RMDN2: variants seen among roughly 807,000 people sequenced by gnomAD.
RMDN2 encodes the protein regulator of microtubule dynamics protein 2.
A neutral mutation model predicts 52.8 loss-of-function variants in RMDN2; 61 were observed. The ratio of observed to expected loss-of-function variants is 1.16; its 90% confidence interval spans 0.94 to 1.43. The LOEUF (loss-of-function observed/expected upper bound fraction) is 1.43. Ranked by LOEUF, RMDN2 falls within the 40% of genes most tolerant of loss-of-function variation. The pLI is 0.00. For missense variants in RMDN2, 592 were observed against 475.3 expected (o/e 1.25, Z -2.28); for synonymous variants, 180 against 153.1 (o/e 1.18, Z -1.30).
At chr2:38,066,785 G>T in intron 10 of RMDN2, 2 of 562,758 alleles carry the variant, frequency 3.6e-6, no homozygotes, top group Non-Finnish European at 3.2e-6. Flanking sequence ...TTTTTCCCAT[G>T]AAAATATTTC....
chr2:38,026,370 C>T (rs1679782270), intron 10 of RMDN2, among the ~76,000 whole-genome samples: 2 of 151,828 alleles, frequency 1.3e-5, no homozygotes, highest in African/African-American at 4.8e-5. Flanking sequence ...TTGCTGTTAC[C>T]CTACAGGTAA....
At chr2:38,003,607 G>GACAGACAA (rs779260707) in intron 8 of RMDN2, among the ~76,000 whole-genome samples, 1 of 152,086 alleles carries the variant, frequency 6.6e-6, no homozygotes, top group Non-Finnish European at 1.5e-5. Context: ...TAGATAGGCA[G>GACAGACAA]ACAGACAGAC....
downstream of RMDN2, among the ~76,000 whole-genome samples, chr2:38,019,955 A>G (rs1679216631): frequency 6.6e-6 from 1 of 152,154 alleles, no homozygotes; most frequent in African/African-American, 2.4e-5. Flanking sequence ...TTTTTAATTT[A>G]AAAATAATTT....
chr2:38,048,817 A>T (rs1454641090), intron 10 of RMDN2, among the ~76,000 whole-genome samples: 1 of 152,260 alleles, frequency 6.6e-6, no homozygotes, highest in African/African-American at 2.4e-5. Context: ...CACTGTCGCA[A>T]CTTAGAGGCA....
intron 10 of RMDN2, among the ~76,000 whole-genome samples, chr2:38,038,054 C>T (rs1680703734): frequency 6.6e-6 from 1 of 152,170 alleles, no homozygotes; most frequent in South Asian, 2.1e-4. Flanking sequence ...TGCCATCTTC[C>T]TTCCCTCTTC....
chr2:38,026,079 G>C (rs1354318362), intron 10 of RMDN2, among the ~76,000 whole-genome samples: 3 of 152,070 alleles, frequency 2.0e-5, no homozygotes, highest in African/African-American at 7.2e-5. Context: ...TGAACCTGGA[G>C]TTTTCTTTGT....
At position 37,932,691 on chromosome 2, in the gene RMDN2, A is replaced by ACC. The variant is rs536400496; in HGVS notation, c.452+2969_452+2970dup. ...GGGCGGCTGGCCGGGCGGGGGGCTGACCCCCCCCACCTCCCTCCCGGACGG... is the reference window on the plus strand; with the variant it reads ...GGGCGGCTGGCCGGGCGGGGGGCTGACCCCCCCCCCACCTCCCTCCCGGACGG... On this transcript the variant is annotated intron_variant, in intron 2 of 10. Coordinates refer to ENST00000354545, the MANE Select transcript of RMDN2 (RefSeq NM_001170791.3). Among the ~76,000 whole-genome samples the ACC allele has an allele frequency of 7.0e-3, 667 of 95,426 alleles. 26 individuals carry two copies. The highest frequency in any genetic ancestry group is 0.026 in the African/African-American group (618 of 23,874). The allele number at this position is 95,426 out of a possible 152,430, so 62.6% of individuals were successfully genotyped here.
chr2:37,973,182 A>C (rs917826954), intron 2 of RMDN2, among the ~76,000 whole-genome samples: 20 of 152,158 alleles, frequency 1.3e-4, no homozygotes, highest in Non-Finnish European at 2.4e-4. Context: ...ATATCCTTGT[A>C]TACCTCCTTA....
chr2:37,936,664 T>C (rs1667315561), intron 2 of RMDN2, among the ~76,000 whole-genome samples: 1 of 152,242 alleles, frequency 6.6e-6, no homozygotes, highest in Non-Finnish European at 1.5e-5. Flanking sequence ...CTTTTTTTCT[T>C]ATATTTGTTG....
chr2:37,993,356 C>T (rs369013758), intron 7 of RMDN2, among the ~76,000 whole-genome samples: 182 of 152,182 alleles, frequency 1.2e-3, no homozygotes, highest in African/African-American at 4.0e-3. Flanking sequence ...AATCAGCTTC[C>T]GCCAAGGTAA....
downstream of RMDN2, among the ~76,000 whole-genome samples, chr2:38,018,195 C>T (rs1187170062): frequency 4.6e-5 from 7 of 152,300 alleles, no homozygotes; most frequent in South Asian, 1.4e-3. Context: ...AGAGGCCTGA[C>T]ACTAGCAAGG....
At chr2:38,019,020 G>T (rs183229930), downstream of RMDN2, among the ~76,000 whole-genome samples, 18 of 152,318 alleles carry the variant, frequency 1.2e-4, 1 homozygote, top group East Asian at 3.5e-3. Context: ...CAGTCCAGCT[G>T]GTTCTCACTT....
At chr2:38,032,322 T>C (rs999240482) in intron 10 of RMDN2, among the ~76,000 whole-genome samples, 5 of 152,218 alleles carry the variant, frequency 3.3e-5, no homozygotes, top group Admixed American at 3.3e-4. Context: ...TTAATTTTTT[T>C]ACAATACCAT....
chr2:37,975,684 A>G (rs1672375877), intron 4 of RMDN2, among the ~76,000 whole-genome samples: 1 of 152,068 alleles, frequency 6.6e-6, no homozygotes, highest in Non-Finnish European at 1.5e-5. Flanking sequence ...CATGTATGCA[A>G]GAACTTAAAG....
intron 10 of RMDN2, among the ~76,000 whole-genome samples, chr2:38,005,552 T>G (rs1283388237): frequency 1.3e-5 from 2 of 152,214 alleles, no homozygotes; most frequent in Non-Finnish European, 2.9e-5. Flanking sequence ...TGGGGTTGTT[T>G]GTTTTTTTCT....
intron 8 of RMDN2, chr2:38,002,815 A>G (rs1676497942): frequency 6.6e-6 from 1 of 152,246 alleles, no homozygotes; most frequent in African/African-American, 2.4e-5. Flanking sequence ...CTTGTGAAAC[A>G]AGGATATTTT....
chr2:37,948,514 T>A (rs1358399410), intron 2 of RMDN2, among the ~76,000 whole-genome samples: 3 of 151,888 alleles, frequency 2.0e-5, no homozygotes, highest in African/African-American at 7.3e-5. Context: ...ATAAAGAGAA[T>A]TGGGAATGAA....
intron 10 of RMDN2, chr2:38,028,256 A>G (rs1410250244): frequency 6.6e-6 from 1 of 152,238 alleles, no homozygotes; most frequent in Non-Finnish European, 1.5e-5. Context: ...TAGAATGCAA[A>G]AGACAGCATG....
At chr2:37,936,217 AG>A (rs1667274582) in intron 2 of RMDN2, among the ~76,000 whole-genome samples, 1 of 152,172 alleles carries the variant, frequency 6.6e-6, no homozygotes, top group Admixed American at 6.5e-5. Context: ...GTCCCTGCAA[AG>A]GACATGATCT....
Sources: gnomAD v4.1 joint callset for allele counts (sites outside exome capture counted in the v4.1 genomes callset) on GRCh38, gnomAD v4.1.1 for gene constraint, MANE v1.5 for transcripts, NCBI Gene and HGNC (gene_info 2026-07-23, HGNC 2026-07-21) for gene names.